Variants in MINDY3 observed in about 807,000 individuals in gnomAD.
The protein encoded by MINDY3 is ubiquitin carboxyl-terminal hydrolase MINDY-3.
In MINDY3, 38 loss-of-function variants were observed where a neutral mutation model predicts 69.2. The observed-to-expected ratio is 0.55, with a 90% confidence interval of 0.42 to 0.72. The LOEUF is 0.72. Ranked by LOEUF, MINDY3 falls within the 30% of genes least tolerant of loss-of-function variation. The probability of loss-of-function intolerance (pLI) is 0.00; values close to 1 mark genes in which losing one functional copy is unlikely to be tolerated. For synonymous variants in MINDY3, 192 were observed against 180.1 expected (o/e 1.07, Z -0.53); for missense variants, 522 against 519.0 (o/e 1.01, Z -0.06).
Position 15,782,224 on chromosome 10 carries a change from G to GC in MINDY3, c.1118dup (p.Ser374LeufsTer21). 1 of 1,596,486 alleles carries GC rather than the reference G, an allele frequency of 6.3e-7. No homozygotes were observed. Among genetic ancestry groups the GC allele is most frequent in the Non-Finnish European group, 8.6e-7 (1 of 1,167,152 alleles). On this transcript the variant is annotated frameshift_variant and splice_region_variant, in exon 14 of 15. Coordinates refer to ENST00000277632, the MANE Select transcript of MINDY3 (RefSeq NM_024948.4). LOFTEE classifies it high-confidence loss of function. ...CAGTAAAAGATTCTGGACCACTGGA[G>GC]CCCTATTATAAATAAAGGACTATTA...
intron 11 of MINDY3, among the ~76,000 whole-genome samples, chr10:15,790,893 A>G (rs1213122013): frequency 6.6e-6 from 1 of 152,136 alleles, no homozygotes. Flanking sequence ...GTACTTTGTC[A>G]TGGCTGGCAG....
chr10:15,809,529 T>G (rs953617415), intron 10 of MINDY3, among the ~76,000 whole-genome samples: 8 of 152,274 alleles, frequency 5.3e-5, no homozygotes, highest in African/African-American at 1.9e-4. Flanking sequence ...ACCTTTGTTC[T>G]GCCACAGCTC....
intron 2 of MINDY3, among the ~76,000 whole-genome samples, chr10:15,843,678 C>T (rs1833635509): frequency 1.3e-5 from 2 of 152,036 alleles, no homozygotes; most frequent in Admixed American, 6.6e-5. Context: ...GTTCTGTTCC[C>T]TTAGTCTTCA....
intron 10 of MINDY3, among the ~76,000 whole-genome samples, chr10:15,806,805 C>G (rs1434427628): frequency 6.6e-6 from 1 of 152,146 alleles, no homozygotes; most frequent in African/African-American, 2.4e-5. Flanking sequence ...TATTAACTTT[C>G]CCATTATAAC....
chr10:15,802,163 G>T (rs1027000981), intron 10 of MINDY3, among the ~76,000 whole-genome samples: 1 of 151,970 alleles, frequency 6.6e-6, no homozygotes, highest in Non-Finnish European at 1.5e-5. Flanking sequence ...GGAGTCAAAA[G>T]TTGTATGTGG....
At position 15,834,403 on chromosome 10, in the gene MINDY3, A is replaced by T. The variant is rs528343811; in HGVS notation, c.650+140T>A. ...CATCAAGCAAACAATGCATAATACA[A>T]AGAAGTGCTCAAATCCATACATGTT... On this transcript the variant is annotated intron_variant, in intron 7 of 14. Transcript: ENST00000277632. The T allele has an allele frequency of 2.0e-4, 103 of 508,480 alleles. No individual in the cohort carries two copies. The East Asian group carries it at 3.1e-3, about 15-fold the overall frequency. 31.5% of individuals were successfully genotyped at this position (508,480 alleles called of 1,614,324 possible).
intron 1 of MINDY3, among the ~76,000 whole-genome samples, chr10:15,854,864 G>C (rs1453887978): frequency 6.6e-6 from 1 of 152,010 alleles, no homozygotes; most frequent in African/African-American, 2.4e-5. Context: ...TAAGGTTTCT[G>C]GTTATGTTAA....
In MINDY3 at chr10:15,814,920, GTAT is replaced by G. The variant is rs1839252025; in HGVS notation, c.882+1912_882+1914del. ...CACAGCTCATTCGACACTGTTCCTT[GTAT>G]TATACCTTCTGTGAAATCTCTCCTA... On this transcript the variant is annotated intron_variant, in intron 10 of 14. Transcript: ENST00000277632. Among the ~76,000 whole-genome samples the G allele has an allele frequency of 5.9e-5, 9 of 152,262 alleles. No homozygotes were observed. In the South Asian group the frequency reaches 1.9e-3, roughly 32 times the overall value.
intron 9 of MINDY3, 61 bp downstream of exon 9, chr10:15,821,595 G>C: frequency 8.0e-7 from 1 of 1,243,810 alleles, no homozygotes; most frequent in South Asian, 1.3e-5. Context: ...GAACAAAACA[G>C]TATCCACAAT....
At chr10:15,859,176 A>G (rs1423824762) in intron 1 of MINDY3, among the ~76,000 whole-genome samples, 2 of 152,160 alleles carry the variant, frequency 1.3e-5, no homozygotes, top group Non-Finnish European at 2.9e-5. Flanking sequence ...TCTTAAAACA[A>G]ACATGTGGGA....
chr10:15,854,379 G>A (rs1315513028), intron 1 of MINDY3, among the ~76,000 whole-genome samples: 1 of 152,010 alleles, frequency 6.6e-6, no homozygotes, highest in Non-Finnish European at 1.5e-5. Context: ...GCCAGTGTAG[G>A]AATCCAGCTG....
At chr10:15,837,401 T>A in intron 5 of MINDY3, 83 bp from the exon 6 acceptor site, 3 of 1,252,536 alleles carry the variant, frequency 2.4e-6, no homozygotes, top group South Asian at 1.4e-5. Context: ...AATTTTCTTA[T>A]ACATTAAAAC....
At chr10:15,808,889 T>C (rs577435670) in intron 10 of MINDY3, among the ~76,000 whole-genome samples, 77 of 152,268 alleles carry the variant, frequency 5.1e-4, no homozygotes, top group African/African-American at 1.7e-3. Context: ...AACTAGATGC[T>C]ATAGGCAGGG....
chr10:15,845,064 T>G (rs1833732541), intron 2 of MINDY3, among the ~76,000 whole-genome samples: 1 of 149,726 alleles, frequency 6.7e-6, no homozygotes, highest in South Asian at 2.2e-4. Context: ...CAAATATTTC[T>G]TAGTTTGGAA....
At chr10:15,843,846 C>G (rs1370140851) in intron 2 of MINDY3, among the ~76,000 whole-genome samples, 2 of 152,068 alleles carry the variant, frequency 1.3e-5, no homozygotes, top group South Asian at 2.1e-4. Flanking sequence ...TGATAAAAAG[C>G]TGCACAGTGA....
chr10:15,779,621 C>T (rs951161978), intron 14 of MINDY3, among the ~76,000 whole-genome samples: 1 of 152,072 alleles, frequency 6.6e-6, no homozygotes, highest in African/African-American at 2.4e-5. Context: ...TATTGAATTT[C>T]TAGAGCTGAA....
At chr10:15,786,887 T>C (rs1837013735) in intron 12 of MINDY3, among the ~76,000 whole-genome samples, 1 of 152,172 alleles carries the variant, frequency 6.6e-6, no homozygotes, top group Admixed American at 6.5e-5. Context: ...CTTTGGAATA[T>C]TGTTCCTTAT....
intron 8 of MINDY3, among the ~76,000 whole-genome samples, chr10:15,830,633 A>T (rs1680797409): frequency 6.6e-6 from 1 of 152,242 alleles, no homozygotes; most frequent in South Asian, 2.1e-4. Context: ...ATAGAGAAGA[A>T]GCTGAGATTG....
intron 1 of MINDY3, among the ~76,000 whole-genome samples, chr10:15,859,887 C>G (rs1039620344): frequency 6.6e-6 from 1 of 152,180 alleles, no homozygotes; most frequent in Non-Finnish European, 1.5e-5. Flanking sequence ...AAAGTGACAC[C>G]GGGGCACGGG....
Sources: gnomAD v4.1 joint callset for allele counts (sites outside exome capture counted in the v4.1 genomes callset) on GRCh38, gnomAD v4.1.1 for gene constraint, MANE v1.5 for transcripts, NCBI Gene and HGNC (gene_info 2026-07-23, HGNC 2026-07-21) for gene names.